The following OCA2 variants were observed in gnomAD, a reference collection of about 807,000 sequenced individuals.
OCA2 encodes OCA2 melanosomal transmembrane protein, also known as P protein.
A neutral mutation model predicts 100.2 loss-of-function variants in OCA2; 77 were observed. The observed-to-expected ratio is 0.77, with a 90% CI of 0.64 to 0.93. OCA2 has a LOEUF of 0.93. Ranked by LOEUF, OCA2 falls within the 40% of genes least tolerant of loss-of-function variation. OCA2 has a pLI of 0.00. For synonymous variants in OCA2, 432 were observed against 439.2 expected (o/e 0.98, Z 0.21); for missense variants, 1,062 against 1,089.1 (o/e 0.98, Z 0.35).
chr15:27,803,710 C>T (rs377157390), intron 23 of OCA2, among the ~76,000 whole-genome samples: 24 of 152,136 alleles, frequency 1.6e-4, no homozygotes, highest in East Asian at 9.6e-4. Flanking sequence ...CTGAACTGAA[C>T]GTGTAAAATG....
downstream of OCA2, among the ~76,000 whole-genome samples, chr15:27,751,354 A>T (rs1250788064): frequency 2.6e-5 from 4 of 152,196 alleles, no homozygotes; most frequent in Non-Finnish European, 5.9e-5. Flanking sequence ...TTCCTATTAC[A>T]TGAGGAAGTT....
rs116497075 is a variant in OCA2, at chr15:27,971,050, C to T, written c.1504-4228G>A. Reference sequence around the variant, plus strand: ...GGAAAACATAATTATAATGTCCCAGCAAGCACAGTATGGCAGGAAAGCCTG... The same window carrying T: ...GGAAAACATAATTATAATGTCCCAGTAAGCACAGTATGGCAGGAAAGCCTG... On this transcript the variant is annotated intron_variant, in intron 14 of 23. Coordinates refer to ENST00000354638, the MANE Select transcript of OCA2 (RefSeq NM_000275.3). Among the ~76,000 whole-genome samples the T allele has an allele frequency of 3.5e-3, 534 of 151,030 alleles. 2 individuals carry two copies. The highest frequency in any genetic ancestry group is 0.013 in the African/African-American group (515 of 41,090).
intron 22 of OCA2, among the ~76,000 whole-genome samples, chr15:27,846,675 A>T (rs1027397944): frequency 6.6e-6 from 1 of 152,164 alleles, no homozygotes; most frequent in Non-Finnish European, 1.5e-5. Flanking sequence ...TTCCCAGGAA[A>T]CAGAAGGATC....
chr15:27,864,907 C>T (rs986335774), intron 21 of OCA2, among the ~76,000 whole-genome samples: 8 of 151,760 alleles, frequency 5.3e-5, no homozygotes, highest in Non-Finnish European at 1.2e-4. Context: ...CTAAGAACGC[C>T]ACCCACAGAG....
intron 18 of OCA2, among the ~76,000 whole-genome samples, chr15:27,943,689 A>C (rs898295632): frequency 2.0e-5 from 3 of 151,630 alleles, no homozygotes; most frequent in African/African-American, 7.3e-5. Context: ...AAAAAAAAAA[A>C]AACCTTGGTC....
chr15:27,729,239 T>C, the OCA2 span, among the ~76,000 whole-genome samples: 2 of 152,086 alleles, frequency 1.3e-5, no homozygotes, highest in Non-Finnish European at 2.9e-5. Context: ...GTTTGTCTAT[T>C]GTATCCCTCA....
chr15:27,913,182 G>A (rs2038462167), intron 19 of OCA2, among the ~76,000 whole-genome samples: 1 of 152,156 alleles, frequency 6.6e-6, no homozygotes, highest in African/African-American at 2.4e-5. Context: ...AATAGTATTT[G>A]TAGTTTTAGT....
At chr15:28,077,218 C>T (rs1325835923) in intron 2 of OCA2, among the ~76,000 whole-genome samples, 1 of 151,930 alleles carries the variant, frequency 6.6e-6, no homozygotes, top group East Asian at 1.9e-4. Flanking sequence ...TGCCACCAGG[C>T]CCGGATAATT....
In OCA2 at chr15:27,856,425, T is replaced by C. The variant is rs75556386; in HGVS notation, c.2245-4950A>G. Among the ~76,000 whole-genome samples, 1,082 of 152,262 alleles carry C rather than the reference T, an allele frequency of 7.1e-3. 13 individuals are homozygous for C. The highest frequency in any genetic ancestry group is 0.025 in the African/African-American group (1,026 of 41,550). On this transcript the variant is annotated intron_variant, in intron 21 of 23. Transcript: ENST00000354638. ...TTTTGGTGAATTTTGGCTTTTTTAA[T>C]AGTGGTTGTCACTCCCCATCTCTCT...
chr15:27,823,155 G>A (rs55800284), intron 23 of OCA2, among the ~76,000 whole-genome samples: 1 of 152,036 alleles, frequency 6.6e-6, no homozygotes, highest in East Asian at 1.9e-4. Context: ...ATAAATCGGA[G>A]AGCCTTATAC....
At chr15:27,726,927 G>C in the OCA2 span, among the ~76,000 whole-genome samples, 14 of 152,208 alleles carry the variant, frequency 9.2e-5, no homozygotes, top group African/African-American at 2.7e-4. Flanking sequence ...CCTGAAAGCA[G>C]AGCGCTGCAC....
At chr15:27,989,264 G>T (rs730502) in intron 11 of OCA2, among the ~76,000 whole-genome samples, 25,442 of 152,108 alleles carry the variant, frequency 0.17, 3,100 homozygotes, top group East Asian at 0.7. Flanking sequence ...ATAATGAAAG[G>T]TACTCTCTCT....
intron 1 of OCA2, among the ~76,000 whole-genome samples, chr15:28,089,591 T>A (rs1029055610): frequency 2.0e-5 from 3 of 152,152 alleles, no homozygotes; most frequent in Non-Finnish European, 4.4e-5. Context: ...AATGTTCAAT[T>A]TACCCATAGC....
At chr15:28,042,589 A>C (rs1196377460) in intron 2 of OCA2, among the ~76,000 whole-genome samples, 1 of 151,958 alleles carries the variant, frequency 6.6e-6, no homozygotes, top group African/African-American at 2.4e-5. Flanking sequence ...GCAGTGAACC[A>C]AGATTGCACC....
At chr15:27,892,325 T>A (rs1226971372) in intron 19 of OCA2, among the ~76,000 whole-genome samples, 1 of 151,894 alleles carries the variant, frequency 6.6e-6, no homozygotes, top group Non-Finnish European at 1.5e-5. Context: ...ACAAAAAAAA[T>A]TCCGCAAATG....
intron 19 of OCA2, among the ~76,000 whole-genome samples, chr15:27,884,842 T>C (rs2037160894): frequency 6.6e-6 from 1 of 152,182 alleles, no homozygotes; most frequent in African/African-American, 2.4e-5. Context: ...TAAGGGAGTA[T>C]TTTCTCTTTC....
At chr15:27,921,501 A>T (rs1019887290) in intron 19 of OCA2, among the ~76,000 whole-genome samples, 9 of 152,118 alleles carry the variant, frequency 5.9e-5, no homozygotes, top group Non-Finnish European at 1.2e-4. Flanking sequence ...CAAAGAAGTA[A>T]AGAATTGTAG....
intron 21 of OCA2, among the ~76,000 whole-genome samples, chr15:27,861,291 T>C (rs956645017): frequency 6.6e-6 from 1 of 152,020 alleles, no homozygotes; most frequent in Non-Finnish European, 1.5e-5. Flanking sequence ...TGGGGAAAGA[T>C]GGAATCAGGA....
At chr15:27,954,411 T>A (rs1382580072) in intron 17 of OCA2, among the ~76,000 whole-genome samples, 1 of 152,204 alleles carries the variant, frequency 6.6e-6, no homozygotes, top group African/African-American at 2.4e-5. Context: ...GTGAAGGCAC[T>A]GAGGCACCTC....
Sources: allele counts gnomAD v4.1 joint callset (sites outside exome capture counted in the v4.1 genomes callset), GRCh38; gene constraint gnomAD v4.1.1; transcripts MANE v1.5; gene names NCBI Gene and HGNC (gene_info 2026-07-23, HGNC 2026-07-21).